ZNF316: variants seen among roughly 807,000 people sequenced by gnomAD.
ZNF316 encodes zinc finger protein 316.
In ZNF316, 23 loss-of-function variants were observed where a neutral mutation model predicts 75.6. That is an observed-to-expected ratio of 0.30 (90% CI 0.22 to 0.43). The LOEUF is 0.43. ZNF316 is among the 20% of genes least tolerant of loss of function. The probability of loss-of-function intolerance (pLI) is 1.00; values close to 1 mark genes in which losing one functional copy is unlikely to be tolerated. For missense variants in ZNF316, 1,266 were observed against 1,409.4 expected, an observed-to-expected ratio of 0.90 and a Z score of 1.63; for synonymous variants, 827 against 666.2, an observed-to-expected ratio of 1.24 and a Z score of -3.72.
In ZNF316 at chr7:6,654,044, G is replaced by C. The variant is rs1330643961; in HGVS notation, c.2448G>C (p.Ala816=). 1.7e-6 allele frequency: 2 copies of C among 1,202,354 alleles called. No homozygotes were observed. The highest frequency in any genetic ancestry group is 1.6e-5 in the African/African-American group (1 of 62,904). The allele number at this position is 1,202,354 out of a possible 1,614,324, so 74.5% of individuals were successfully genotyped here. Residue 816 remains alanine, a synonymous_variant, in exon 9 of 9, where the codon GCG becomes GCC. Transcript: ENST00000382252. ...GECGRRFGQS[A]ALTRHQWAHA... is the part of the protein sequence containing the mutation. ...GCGGCCGGCGCTTCGGGCAGAGCGC[G>C]GCGCTGACGCGGCATCAGTGGGCGC... is the stretch of plus-strand genomic sequence containing the variant.
rs1267046023 is a variant in ZNF316, at chr7:6,644,495, A to G, written c.608A>G (p.Lys203Arg). 1.6e-6 allele frequency: 2 copies of G among 1,232,102 alleles called. No homozygotes were observed. 76.3% of individuals were successfully genotyped at this position (1,232,102 alleles called of 1,614,324 possible). ...CTCCTGGCAGGATACCCAATTCCCA[A>G]GCCCGATCTGATCTTCCGGCTGGAA... ...ILVSLGYPIP[K>R]PDLIFRLEQG... The change falls in exon 8 of 9, where the codon AAG (lysine) becomes AGG (arginine). Residue 203 changes from lysine to arginine, a missense_variant. Lys to Arg is a conservative substitution (Grantham distance 26). Transcript: ENST00000382252.
intron 8 of ZNF316, among the ~76,000 whole-genome samples, chr7:6,647,753 T>C (rs536503018): frequency 6.6e-6 from 1 of 152,272 alleles, no homozygotes; most frequent in East Asian, 1.9e-4. Flanking sequence ...GAGTCGTAGA[T>C]GGTGGCGGCC....
chr7:6,650,763 T>G (rs1364910515), intron 8 of ZNF316, among the ~76,000 whole-genome samples: 1 of 152,164 alleles, frequency 6.6e-6, no homozygotes, highest in Non-Finnish European at 1.5e-5. Flanking sequence ...TTCCAGATGC[T>G]GAGACTGTCG....
rs1042161078 is a variant in ZNF316, at chr7:6,655,626, A to G, written c.*1015A>G. ...GAGGTTGGTCGAAGGATCTTTCCCCACATCCCATAATCAGGGCCCTAGGAC... is the reference window on the plus strand; with the variant it reads ...GAGGTTGGTCGAAGGATCTTTCCCCGCATCCCATAATCAGGGCCCTAGGAC... On this transcript the variant is annotated 3_prime_UTR_variant, in exon 9 of 9. Coordinates refer to ENST00000382252, the MANE Select transcript of ZNF316 (RefSeq NM_001278559.2). 1.3e-5 allele frequency: 2 copies of G among 152,142 alleles called. No individual in the cohort carries two copies. Among genetic ancestry groups the G allele is most frequent in the African/African-American group, 4.8e-5 (2 of 41,408 alleles). The allele number at this position is 152,142 out of a possible 1,614,324, so 9.4% of individuals were successfully genotyped here. A position where few individuals can be genotyped will look rare whatever the true frequency, so the allele number is the denominator to read the frequency against.
rs982895291 is a variant in ZNF316 at position 6,655,547 on chromosome 7, C to G, written c.*936C>G. The stretch of plus-strand genomic sequence containing the variant: ...TTTCACTTCCCTGGGCTGCCCCTCT[C>G]CGGGAGCAGGCAGACGCCCCGTTCT... On this transcript the variant is annotated 3_prime_UTR_variant, in exon 9 of 9. Coordinates refer to ENST00000382252, the MANE Select transcript of ZNF316 (RefSeq NM_001278559.2). 2.0e-5 allele frequency: 3 copies of G among 152,208 alleles called. No individual in the cohort carries two copies. Among genetic ancestry groups the G allele is most frequent in the Non-Finnish European group, 4.4e-5 (3 of 68,050 alleles). 9.4% of individuals were successfully genotyped at this position (152,208 alleles called of 1,614,324 possible).
At position 6,656,819 on chromosome 7, in the gene ZNF316, T is replaced by C. The variant is rs1779634702; in HGVS notation, c.*2208T>C. 6.6e-6 allele frequency among the ~76,000 whole-genome samples: 1 copy of C among 151,354 alleles called. No homozygotes were observed. The highest frequency in any genetic ancestry group is 2.1e-4 in the South Asian group (1 of 4,788). On this transcript the variant is annotated 3_prime_UTR_variant, in exon 9 of 9. Transcript: ENST00000382252. Reference sequence around the variant, plus strand: ...CAGCACCATGTGGCTCATCCAGGGCTCACCTACTCCAGTACCAGGGCAAGG... The same window carrying C: ...CAGCACCATGTGGCTCATCCAGGGCCCACCTACTCCAGTACCAGGGCAAGG...
At chr7:6,638,074 T>C (rs999939908) in intron 2 of ZNF316, 65 bp downstream of exon 2, 3 of 151,692 alleles carry the variant, frequency 2.0e-5, no homozygotes, top group African/African-American at 7.3e-5. Flanking sequence ...GCAGCAGAGG[T>C]AGGAAAGGGG....
rs981519890 is a variant in ZNF316, at chr7:6,642,261, A to G, written c.-28-121A>G. The G allele has an allele frequency of 4.4e-5, 19 of 429,182 alleles. No individual in the cohort carries two copies. Among genetic ancestry groups the G allele is most frequent in the Admixed American group, 8.8e-5 (2 of 22,718 alleles). The allele number at this position is 429,182 out of a possible 1,614,324, so 26.6% of individuals were successfully genotyped here. A position where few individuals can be genotyped will look rare whatever the true frequency, so the allele number is the denominator to read the frequency against. On this transcript the variant is annotated intron_variant, in intron 4 of 8. Coordinates refer to ENST00000382252, the MANE Select transcript of ZNF316 (RefSeq NM_001278559.2). This position sits in a 1 kb window ranked among gnomAD's most constrained non-coding sequence, Gnocchi z 8.1. ...TCCTCCCTCATCTCCATTGCCTTCA[A>G]CTACATAACAGGAGGAGTAAATCCT...
chr7:6,652,904 G>A lies in ZNF316; in HGVS notation c.1308G>A (p.Ala436=), dbSNP rs1289123944. The A allele has an allele frequency of 2.4e-6, 3 of 1,240,628 alleles. No homozygotes were observed. In the Middle Eastern group the frequency reaches 6.3e-4, roughly 261 times the overall value. 76.9% of individuals were successfully genotyped at this position (1,240,628 alleles called of 1,614,324 possible). A position where few individuals can be genotyped will look rare whatever the true frequency, so the allele number is the denominator to read the frequency against. ...CCTACCGCTGCGCCTTCTGCGGCGC[G>A]GGCTTCGGGCGCCGCTCCTACCTGG... ...ERPYRCAFCG[A]GFGRRSYLVT... Residue 436 remains alanine (A), a synonymous_variant, in exon 9 of 9, where the codon GCG becomes GCA. Transcript: ENST00000382252.
intron 8 of ZNF316, among the ~76,000 whole-genome samples, chr7:6,649,406 C>G (rs1779465703): frequency 6.6e-6 from 1 of 152,204 alleles, no homozygotes. Flanking sequence ...GAAACATGCA[C>G]CAGCCCCTCC....
intron 3 of ZNF316, among the ~76,000 whole-genome samples, 172 bp from the exon 4 acceptor site, chr7:6,641,653 C>T (rs1779313975): frequency 6.6e-6 from 1 of 152,236 alleles, no homozygotes; most frequent in African/African-American, 2.4e-5. Flanking sequence ...GGTAAGTCAG[C>T]CCTCAAGAGT....
At chr7:6,641,291 C>G (rs569707260) in intron 3 of ZNF316, among the ~76,000 whole-genome samples, 6 of 152,224 alleles carry the variant, frequency 3.9e-5, no homozygotes, top group Admixed American at 6.5e-5. Flanking sequence ...GGCCTCTCCC[C>G]CTGGATTCTG....
Position 6,652,519 on chromosome 7 carries a change from C to A in ZNF316, c.923C>A (p.Ala308Asp). ...GACCCAGGCGGCCTGGGGGTCCTGG[C>A]CGACGGCTCTGAAGCGAAGCCTTTC... ...GPDPGGLGVL[A>D]DGSEAKPFLP... The change falls in exon 9 of 9, where the codon GCC becomes GAC. Residue 308 changes from alanine (A) to aspartate (D), a missense_variant. This residue lies in a region of ZNF316 where 961 missense variants were observed against 990.9 expected (regional missense o/e 0.97). Transcript: ENST00000382252. 1 of 1,231,250 alleles carries A rather than the reference C, an allele frequency of 8.1e-7. No homozygotes were observed. The highest frequency in any genetic ancestry group is 4.2e-5 in the Admixed American group (1 of 23,698). 76.3% of individuals were successfully genotyped at this position (1,231,250 alleles called of 1,614,324 possible).
intron 8 of ZNF316, among the ~76,000 whole-genome samples, chr7:6,650,225 C>CCCAG (rs1245902662): frequency 2.6e-5 from 4 of 152,194 alleles, no homozygotes; most frequent in Admixed American, 6.5e-5. Flanking sequence ...CAGCAGCCTT[C>CCCAG]CCAGACCTGG....
At position 6,642,240 on chromosome 7, in the gene ZNF316, C is replaced by G. The variant is rs1779322404; in HGVS notation, c.-28-142C>G. 2.5e-6 allele frequency: 1 copy of G among 407,980 alleles called. No homozygotes were observed. Among genetic ancestry groups the G allele is most frequent in the Non-Finnish European group, 4.2e-6 (1 of 235,594 alleles). 25.3% of individuals were successfully genotyped at this position (407,980 alleles called of 1,614,324 possible). A position where few individuals can be genotyped will look rare whatever the true frequency, so the allele number is the denominator to read the frequency against. On this transcript the variant is annotated intron_variant, in intron 4 of 8. Coordinates refer to ENST00000382252, the MANE Select transcript of ZNF316 (RefSeq NM_001278559.2). The surrounding 1 kb of genome is among the most constrained non-coding windows in gnomAD (Gnocchi z 8.1). ...TAAGATCGTGGGAAGGCCCGGTCCT[C>G]CCTCATCTCCATTGCCTTCAACTAC...
chr7:6,641,230 T>C (rs1779306618), intron 3 of ZNF316, among the ~76,000 whole-genome samples: 2 of 152,244 alleles, frequency 1.3e-5, no homozygotes, highest in African/African-American at 4.8e-5. Context: ...GTGGGCCCAG[T>C]GCTCTGTGTG....
chr7:6,642,388 T>TGG lies in ZNF316; in HGVS notation c.-21_-20dup. Reference sequence around the variant, plus strand: ...GCGTCCATCTGCATTTCAGGCCACGTGGAGGCTCGCTCCCAGGGAGGATGG... The same window carrying TGG: ...GCGTCCATCTGCATTTCAGGCCACGTGGGGAGGCTCGCTCCCAGGGAGGATGG... On this transcript the variant is annotated 5_prime_UTR_variant, in exon 5 of 9. Coordinates refer to ENST00000382252, the MANE Select transcript of ZNF316 (RefSeq NM_001278559.2). The surrounding 1 kb of genome is among the most constrained non-coding windows in gnomAD (Gnocchi z 8.1). 3 of 1,231,332 alleles carry TGG rather than the reference T, an allele frequency of 2.4e-6. No individual in the cohort carries two copies. The highest frequency in any genetic ancestry group is 3.0e-6 in the Non-Finnish European group (3 of 987,294). The allele number at this position is 1,231,332 out of a possible 1,614,324, so 76.3% of individuals were successfully genotyped here. A position where few individuals can be genotyped will look rare whatever the true frequency, so the allele number is the denominator to read the frequency against.
chr7:6,643,859 C>G lies in ZNF316; in HGVS notation c.503C>G (p.Ser168Cys). 1.6e-6 allele frequency: 2 copies of G among 1,238,442 alleles called. No homozygotes were observed. Among genetic ancestry groups the G allele is most frequent in the Non-Finnish European group, 2.0e-6 (2 of 992,062 alleles). 76.7% of individuals were successfully genotyped at this position (1,238,442 alleles called of 1,614,324 possible). ...TTTGAAGATGTGGCTGTGTACTTCT[C>G]CCTGGAGGAGTGGGAAAGGCTGGAA... ...VTFEDVAVYF[S>C]LEEWERLEAD... The change falls in exon 7 of 9, where the codon TCC (serine) becomes TGC (cysteine). Residue 168 changes from serine to cysteine, a missense_variant. Physicochemically the swap from Ser to Cys is moderately radical, Grantham distance 112. Transcript: ENST00000382252.
rs747347808 is a variant in ZNF316 at position 6,657,831 on chromosome 7, CAAAAAAAAAAAAA to C, written c.*3234_*3246del. ...GTGACAGAACAAGACCCTATCTCAC[CAAAAAAAAAAAAA>C]AAAAAAAAAAAAAGGTTCCCCGATA... On this transcript the variant is annotated 3_prime_UTR_variant, in exon 9 of 9. Coordinates refer to ENST00000382252, the MANE Select transcript of ZNF316 (RefSeq NM_001278559.2). Among the ~76,000 whole-genome samples the C allele has an allele frequency of 7.2e-5, 2 of 27,696 alleles. No homozygotes were observed. Among genetic ancestry groups the C allele is most frequent in the Non-Finnish European group, 6.4e-5 (1 of 15,558 alleles). The allele number at this position is 27,696 out of a possible 152,430, so 18.2% of individuals were successfully genotyped here. A position where few individuals can be genotyped will look rare whatever the true frequency, so the allele number is the denominator to read the frequency against.
Sources: gnomAD v4.1 joint callset for allele counts (sites outside exome capture counted in the v4.1 genomes callset) on GRCh38, gnomAD v4.1.1 for gene constraint, gnomAD v4.1.1 regional missense constraint, Gnocchi (gnomAD v3.1) non-coding constraint, MANE v1.5 for transcripts, NCBI Gene and HGNC (gene_info 2026-07-23, HGNC 2026-07-21) for gene names.